The following POFUT3 variants were observed in gnomAD, a reference collection of about 807,000 sequenced individuals.
POFUT3 encodes protein O-fucosyltransferase 3.
chr8:33,315,687 G>A, the POFUT3 span, among the ~76,000 whole-genome samples: 4 of 152,222 alleles, frequency 2.6e-5, no homozygotes, highest in African/African-American at 9.6e-5. Flanking sequence ...GCTTGTTCCA[G>A]CTGTTCCTGG....
chr8:33,388,662 G>T, the POFUT3 span, among the ~76,000 whole-genome samples: 1 of 152,084 alleles, frequency 6.6e-6, no homozygotes, highest in African/African-American at 2.4e-5. Flanking sequence ...TTATGTTAGG[G>T]ACTCTTCCCC....
the POFUT3 span, among the ~76,000 whole-genome samples, chr8:33,444,931 A>AACTT: frequency 5.0e-5 from 4 of 79,220 alleles, no homozygotes; most frequent in African/African-American, 5.7e-5. Context: ...TATGACCTTC[A>AACTT]TCTTTTTTTT....
chr8:33,330,828 G>A, the POFUT3 span, among the ~76,000 whole-genome samples: 8 of 151,944 alleles, frequency 5.3e-5, no homozygotes, highest in South Asian at 8.3e-4. Context: ...CTTCCCAGGC[G>A]TGCCATGGTG....
At chr8:33,366,095 A>C in the POFUT3 span, among the ~76,000 whole-genome samples, 2 of 152,230 alleles carry the variant, frequency 1.3e-5, no homozygotes, top group African/African-American at 4.8e-5. Context: ...GGATGAGTTC[A>C]TGTCCTTTGC....
chr8:33,413,019 A>AC, the POFUT3 span, among the ~76,000 whole-genome samples: 46,062 of 152,066 alleles, frequency 0.3, 7,094 homozygotes, highest in South Asian at 0.44. Flanking sequence ...ACACAAACAC[A>AC]CAAAACTTCA....
chr8:33,353,812 T>G, the POFUT3 span, among the ~76,000 whole-genome samples: 39 of 152,282 alleles, frequency 2.6e-4, no homozygotes, highest in African/African-American at 9.4e-4. Context: ...TCTCTCCTGA[T>G]TCTGTCCCAA....
At chr8:33,318,613 GTATATATATTTATATAATATATAAAT>G in the POFUT3 span, among the ~76,000 whole-genome samples, 1 of 71,794 alleles carries the variant, frequency 1.4e-5, no homozygotes, top group Non-Finnish European at 2.3e-5. Context: ...TAAATATATT[GTATATATATTTATATAATATATAAAT>G]ATATTGTATA....
At chr8:33,374,233 C>T in the POFUT3 span, among the ~76,000 whole-genome samples, 1 of 152,182 alleles carries the variant, frequency 6.6e-6, no homozygotes, top group African/African-American at 2.4e-5. Context: ...GAAAAATTGT[C>T]TCCCACAAAA....
the POFUT3 span, among the ~76,000 whole-genome samples, chr8:33,422,345 C>T: frequency 6.6e-6 from 1 of 151,714 alleles, no homozygotes; most frequent in Non-Finnish European, 1.5e-5. Context: ...GAGTTCAAGA[C>T]CAGCCTAGCC....
chr8:33,423,818 TAAAAAAA>T, the POFUT3 span, among the ~76,000 whole-genome samples: 670 of 70,140 alleles, frequency 9.6e-3, 7 homozygotes, highest in African/African-American at 0.035. Flanking sequence ...GCACACCAAG[TAAAAAAA>T]AAAAAAAAAA....
At chr8:33,467,601 G>A in the POFUT3 span, among the ~76,000 whole-genome samples, 5 of 152,290 alleles carry the variant, frequency 3.3e-5, no homozygotes, top group African/African-American at 1.2e-4. Flanking sequence ...TTGCACGGCT[G>A]GCATGCAACA....
At chr8:33,350,400 T>G in the POFUT3 span, among the ~76,000 whole-genome samples, 16 of 152,144 alleles carry the variant, frequency 1.1e-4, no homozygotes, top group Non-Finnish European at 2.2e-4. Context: ...GGTGGTGTCC[T>G]TGACACCCTA....
the POFUT3 span, among the ~76,000 whole-genome samples, chr8:33,411,474 A>T: frequency 1.7e-4 from 26 of 152,316 alleles, no homozygotes; most frequent in South Asian, 6.2e-4. Flanking sequence ...AATTTTTTTT[A>T]AAATCTTCAT....
At chr8:33,418,364 G>T in the POFUT3 span, among the ~76,000 whole-genome samples, 4 of 147,608 alleles carry the variant, frequency 2.7e-5, no homozygotes, top group African/African-American at 7.5e-5. Flanking sequence ...AGATTAAAGA[G>T]ACAAAAAATA....
At chr8:33,348,831 A>T in the POFUT3 span, among the ~76,000 whole-genome samples, 83 of 152,188 alleles carry the variant, frequency 5.5e-4, no homozygotes, top group Non-Finnish European at 7.9e-4. Context: ...ATGAATGGAG[A>T]GAAGGAGGTG....
chr8:33,331,738 C>G, the POFUT3 span, among the ~76,000 whole-genome samples: 4 of 151,924 alleles, frequency 2.6e-5, no homozygotes, highest in Non-Finnish European at 5.9e-5. Flanking sequence ...TGCAGTGGCG[C>G]GATCTCGGCT....
the POFUT3 span, among the ~76,000 whole-genome samples, chr8:33,418,573 G>A: frequency 6.6e-6 from 1 of 152,096 alleles, no homozygotes; most frequent in Admixed American, 6.6e-5. Flanking sequence ...AAAGTGCTGA[G>A]ATTACAGGCG....
chr8:33,456,650 A>G, the POFUT3 span, among the ~76,000 whole-genome samples: 1 of 152,236 alleles, frequency 6.6e-6, no homozygotes, highest in Non-Finnish European at 1.5e-5. Context: ...AATGCATTAA[A>G]TAAAACCATA....
chr8:33,348,076 G>C, the POFUT3 span, among the ~76,000 whole-genome samples: 1 of 151,698 alleles, frequency 6.6e-6, no homozygotes, highest in Non-Finnish European at 1.5e-5. Flanking sequence ...CACTCGGGAG[G>C]CTGAAGCAGG....
Sources: allele counts gnomAD v4.1 joint callset (sites outside exome capture counted in the v4.1 genomes callset), GRCh38; gene constraint gnomAD v4.1.1; transcripts MANE v1.5; gene names NCBI Gene and HGNC (gene_info 2026-07-23, HGNC 2026-07-21).